The following EXOC2 variants were observed in gnomAD, a reference collection of about 807,000 sequenced individuals.
The protein encoded by EXOC2 is exocyst complex component 2.
In EXOC2, 70 loss-of-function variants were observed where a neutral mutation model predicts 131.8. That is an observed-to-expected ratio of 0.53 (90% confidence interval 0.44 to 0.65). The LOEUF is 0.65. EXOC2 is among the 30% of genes least tolerant of loss of function. EXOC2 has a pLI of 0.00. For missense variants in EXOC2, 923 were observed against 1,108.6 expected, an observed-to-expected ratio of 0.83 and a Z score of 2.38; for synonymous variants, 411 against 398.4, an observed-to-expected ratio of 1.03 and a Z score of -0.38.
At position 486,038 on chromosome 6, in the gene EXOC2, GAAAAAT is replaced by G. The variant is rs778302457; in HGVS notation, c.*627_*632del. On this transcript the variant is annotated 3_prime_UTR_variant, in exon 28 of 28. Coordinates refer to ENST00000230449, the MANE Select transcript of EXOC2 (RefSeq NM_018303.6). ...AATGAAAGCTCATGCTTAGCCCTGT[GAAAAAT>G]AAAAATCAGATAGCAAAACGCAAAG... The G allele has an allele frequency of 1.3e-5, 2 of 152,174 alleles. No homozygotes were observed. Among genetic ancestry groups the G allele is most frequent in the Non-Finnish European group, 2.9e-5 (2 of 68,044 alleles). 9.4% of individuals were successfully genotyped at this position (152,174 alleles called of 1,614,324 possible).
intron 11 of EXOC2, among the ~76,000 whole-genome samples, chr6:587,366 T>G (rs1263550908): frequency 1.3e-5 from 2 of 151,896 alleles, no homozygotes; most frequent in Non-Finnish European, 2.9e-5. Context: ...TGCCCCAGCC[T>G]CCCAAGTAGC....
At chr6:664,231 C>G (rs1163699807) in intron 1 of EXOC2, among the ~76,000 whole-genome samples, 1 of 152,020 alleles carries the variant, frequency 6.6e-6, no homozygotes, top group Non-Finnish European at 1.5e-5. Context: ...TATACCTAAC[C>G]AAAAACAGGT....
chr6:623,521 A>G (rs1761400725), intron 4 of EXOC2, among the ~76,000 whole-genome samples: 1 of 152,192 alleles, frequency 6.6e-6, no homozygotes. Context: ...GTGAAATTCT[A>G]ACACAGATGT....
rs1758038496 is a variant in EXOC2 at position 567,588 on chromosome 6, ATACT to A, written c.1444-2663_1444-2660del. On this transcript the variant is annotated intron_variant, in intron 13 of 27. Coordinates refer to ENST00000230449, the MANE Select transcript of EXOC2 (RefSeq NM_018303.6). Reference sequence around the variant, plus strand: ...TGTGTAAATTTATGTGTATGTCTACATACTGAGTACATGCATGCATTTATATGCA... The same window carrying A: ...TGTGTAAATTTATGTGTATGTCTACAGAGTACATGCATGCATTTATATGCA... 3.3e-5 allele frequency among the ~76,000 whole-genome samples: 5 copies of A among 152,368 alleles called. No individual in the cohort carries two copies. The South Asian group carries it at 1.0e-3, about 32-fold the overall frequency.
chr6:658,645 T>TTATATATATA (rs373868934), intron 1 of EXOC2, among the ~76,000 whole-genome samples: 8 of 118,346 alleles, frequency 6.8e-5, no homozygotes, highest in African/African-American at 2.2e-4. Context: ...TATATATATT[T>TTATATATATA]TATATATATA....
intron 25 of EXOC2, among the ~76,000 whole-genome samples, chr6:495,477 C>A (rs1763675462): frequency 6.6e-6 from 1 of 152,194 alleles, no homozygotes; most frequent in African/African-American, 2.4e-5. Flanking sequence ...AACATTCTTA[C>A]AAATGTTTTG....
chr6:660,527 G>C (rs1363968974), intron 1 of EXOC2, among the ~76,000 whole-genome samples: 1 of 152,166 alleles, frequency 6.6e-6, no homozygotes, highest in Non-Finnish European at 1.5e-5. Context: ...TAGACTCGCT[G>C]GGTGCTAGAC....
intron 4 of EXOC2, among the ~76,000 whole-genome samples, chr6:624,324 C>A (rs1158568926): frequency 2.0e-5 from 3 of 152,192 alleles, no homozygotes; most frequent in African/African-American, 4.8e-5. Flanking sequence ...GCTCAATCCA[C>A]CTGTATAATC....
intron 21 of EXOC2, 57 bp from the exon 22 acceptor site, chr6:549,348 G>T: frequency 8.1e-7 from 1 of 1,237,688 alleles, no homozygotes; most frequent in South Asian, 1.3e-5. Flanking sequence ...GAGAATAGCT[G>T]ATTAACACTT....
chr6:563,993 A>C, intron 16 of EXOC2, 40 bp downstream of exon 16: 1 of 1,601,130 alleles, frequency 6.2e-7, no homozygotes, highest in Non-Finnish European at 8.5e-7. Flanking sequence ...CATTCAGATA[A>C]TCATTGCACA....
intron 1 of EXOC2, among the ~76,000 whole-genome samples, chr6:665,266 C>T (rs145544232): frequency 1.4e-4 from 21 of 152,210 alleles, no homozygotes; most frequent in African/African-American, 4.6e-4. Context: ...TGGCCATAAT[C>T]GAAAAATCAA....
At chr6:557,143 T>G (rs767860265) in intron 17 of EXOC2, among the ~76,000 whole-genome samples, 56 of 152,304 alleles carry the variant, frequency 3.7e-4, no homozygotes, top group Non-Finnish European at 5.6e-4. Context: ...CTAAGGGTGT[T>G]TAAGTTTTCA....
chr6:616,622 A>AC, intron 6 of EXOC2, among the ~76,000 whole-genome samples: 1 of 151,382 alleles, frequency 6.6e-6, no homozygotes, highest in Non-Finnish European at 1.5e-5. Context: ...AAAAAAAAAA[A>AC]ACTAACTTCT....
chr6:692,008 A>G (rs893925156), intron 1 of EXOC2, among the ~76,000 whole-genome samples: 1 of 152,234 alleles, frequency 6.6e-6, no homozygotes, highest in Non-Finnish European at 1.5e-5. Flanking sequence ...TAAAGGAGTC[A>G]GTTACACAAA....
intron 11 of EXOC2, among the ~76,000 whole-genome samples, chr6:585,325 T>C (rs1759145068): frequency 6.6e-6 from 1 of 152,152 alleles, no homozygotes. Context: ...GCAAGAGGCA[T>C]GTGGAGCGTT....
At chr6:501,705 C>T (rs1428659580) in intron 23 of EXOC2, among the ~76,000 whole-genome samples, 3 of 126,156 alleles carry the variant, frequency 2.4e-5, no homozygotes, top group African/African-American at 8.9e-5. Flanking sequence ...ATATATATCT[C>T]TATATAAAAG....
At chr6:567,461 T>A (rs1758028579) in intron 13 of EXOC2, among the ~76,000 whole-genome samples, 1 of 152,230 alleles carries the variant, frequency 6.6e-6, no homozygotes, top group Non-Finnish European at 1.5e-5. Context: ...GTTACCAGAA[T>A]TTTTAAAATA....
In EXOC2 at chr6:649,968, T is replaced by G. The variant is rs199939841; in HGVS notation, c.-43-12107A>C. 3.0e-4 allele frequency among the ~76,000 whole-genome samples: 45 copies of G among 152,348 alleles called. No individual in the cohort carries two copies. The East Asian group carries it at 8.5e-3, about 29-fold the overall frequency. On this transcript the variant is annotated intron_variant, in intron 1 of 27. Coordinates refer to ENST00000230449, the MANE Select transcript of EXOC2 (RefSeq NM_018303.6). ...TTGTAAACTTGAGACTTTGACTTTT[T>G]TTAATGTAAGACTTTATTTTCATTG... is the stretch of plus-strand genomic sequence containing the variant.
At position 499,662 on chromosome 6, in the gene EXOC2, T is replaced by G. The variant is rs1384097784; in HGVS notation, c.2419A>C (p.Ile807Leu). 1.9e-5 allele frequency: 30 copies of G among 1,613,846 alleles called. No homozygotes were observed. Among genetic ancestry groups the G allele is most frequent in the Non-Finnish European group, 2.5e-5 (29 of 1,179,882 alleles). Residue 807 changes from isoleucine (I) to leucine (L), a missense_variant, in exon 24 of 28, where the codon ATT becomes CTT. Physicochemically the swap from Ile to Leu is conservative, Grantham distance 5. Coordinates refer to ENST00000230449, the MANE Select transcript of EXOC2 (RefSeq NM_018303.6). ...NYLKEALVNIIAVHAEVFTIS... is the reference protein window; with the variant it reads ...NYLKEALVNILAVHAEVFTIS... ...TACTTTACCTCTGCATGCACGGCAA[T>G]TATATTCACCAGTGCTTCTTTTAAA...
Sources: allele counts gnomAD v4.1 joint callset (sites outside exome capture counted in the v4.1 genomes callset), GRCh38; gene constraint gnomAD v4.1.1; transcripts MANE v1.5; gene names NCBI Gene and HGNC (gene_info 2026-07-23, HGNC 2026-07-21).